The following SYNE2 variants were observed in gnomAD, a reference collection of about 807,000 sequenced individuals.
The protein encoded by SYNE2 is spectrin repeat containing nuclear envelope protein 2, also known as nesprin-2.
In SYNE2, 431 loss-of-function variants were observed where a neutral mutation model predicts 856.3. That is an observed-to-expected ratio of 0.50 (90% CI 0.47 to 0.55). SYNE2 has a LOEUF of 0.55. Ranked by LOEUF, SYNE2 falls within the 20% of genes least tolerant of loss-of-function variation. The probability of loss-of-function intolerance (pLI) is 0.00; values close to 1 mark genes in which losing one functional copy is unlikely to be tolerated. For missense variants in SYNE2, 8,129 were observed against 8,023.2 expected, an observed-to-expected ratio of 1.01 and a Z score of -0.50; for synonymous variants, 2,923 against 2,872.3, an observed-to-expected ratio of 1.02 and a Z score of -0.56.
chr14:63,978,518 A>C (rs2096561891), intron 13 of SYNE2, among the ~76,000 whole-genome samples: 1 of 152,198 alleles, frequency 6.6e-6, no homozygotes. Context: ...TAATATATAA[A>C]CTTAGATTAT....
intron 42 of SYNE2, 109 bp from the exon 43 acceptor site, chr14:64,027,375 A>T: frequency 1.5e-6 from 1 of 686,062 alleles, no homozygotes. Flanking sequence ...GGAACAATGT[A>T]TATTAGTGTT....
chr14:64,157,318 G>A (rs948205085), intron 85 of SYNE2, among the ~76,000 whole-genome samples: 9 of 152,074 alleles, frequency 5.9e-5, no homozygotes, highest in African/African-American at 1.2e-4. Flanking sequence ...TATTCTGGAC[G>A]TTTTATATAA....
chr14:64,039,157 C>T (rs1595063462), intron 45 of SYNE2, among the ~76,000 whole-genome samples: 1 of 152,278 alleles, frequency 6.6e-6, no homozygotes, highest in East Asian at 1.9e-4. Context: ...TTTTTCACTG[C>T]TTTATATTGT....
chr14:64,147,996 C>G (rs1458951833), intron 84 of SYNE2, among the ~76,000 whole-genome samples: 1 of 152,106 alleles, frequency 6.6e-6, no homozygotes, highest in Non-Finnish European at 1.5e-5. Context: ...GAACCCATTT[C>G]TAATACTCAT....
Position 64,025,337 on chromosome 14 carries a change from G to T in SYNE2, c.6168G>T (p.Trp2056Cys). The T allele has an allele frequency of 6.2e-7, 1 of 1,614,058 alleles. No homozygotes were observed. The highest frequency in any genetic ancestry group is 8.5e-7 in the Non-Finnish European group (1 of 1,179,992). The stretch of plus-strand genomic sequence containing the variant: ...ATCTTGCACATGATGTAATTCATTG[G>T]ATAAAAGAGATTAAAGAGTCCCTTA... ...FNDLAHDVIH[W>C]IKEIKESLMV... is the part of the protein sequence containing the mutation. The change falls in exon 41 of 116, where the codon TGG (tryptophan) becomes TGT (cysteine). Residue 2056 changes from tryptophan (W) to cysteine (C), a missense_variant. Physicochemically the swap from Trp to Cys is radical, Grantham distance 215. This residue lies in a region of SYNE2 where 2,422 missense variants were observed against 2,357.4 expected (regional missense o/e 1.03). Transcript: ENST00000555002.
At chr14:63,817,104 C>G (rs1055641746) in intron 1 of SYNE2, among the ~76,000 whole-genome samples, 2 of 152,132 alleles carry the variant, frequency 1.3e-5, no homozygotes, top group African/African-American at 4.8e-5. Context: ...TCGACAATTC[C>G]AGACTATCCC....
chr14:64,122,719 G>A (rs1464462404), intron 70 of SYNE2, among the ~76,000 whole-genome samples: 1 of 152,138 alleles, frequency 6.6e-6, no homozygotes, highest in Non-Finnish European at 1.5e-5. Flanking sequence ...TGTCTGCCTG[G>A]TTTGCATTTG....
intron 1 of SYNE2, among the ~76,000 whole-genome samples, chr14:63,796,818 A>T (rs1887931790): frequency 1.3e-5 from 2 of 152,072 alleles, no homozygotes; most frequent in South Asian, 2.1e-4. Flanking sequence ...GACCCATTTT[A>T]AAAAAGAAAT....
At chr14:64,167,447 G>C in intron 91 of SYNE2, 48 bp from the exon 92 acceptor site, 1 of 1,614,180 alleles carries the variant, frequency 6.2e-7, no homozygotes, top group Non-Finnish European at 8.5e-7. Context: ...GCTTCAGCTC[G>C]GGAATGGCAT....
At chr14:63,790,024 AG>A (rs1887676061) in intron 1 of SYNE2, among the ~76,000 whole-genome samples, 1 of 152,272 alleles carries the variant, frequency 6.6e-6, no homozygotes, top group South Asian at 2.1e-4. Context: ...GTAGAATGAG[AG>A]CTCAAGAGGA....
At chr14:64,199,819 T>C (rs1282703182) in intron 99 of SYNE2, among the ~76,000 whole-genome samples, 1 of 151,834 alleles carries the variant, frequency 6.6e-6, no homozygotes. Context: ...ATTTTAATAA[T>C]TAAGTTTATA....
At chr14:64,141,308 T>A in intron 80 of SYNE2, 33 bp from the exon 81 acceptor site, 1 of 1,582,862 alleles carries the variant, frequency 6.3e-7, no homozygotes, top group Non-Finnish European at 8.6e-7. Flanking sequence ...ATATTTAAAT[T>A]TTAAGTTTCT....
intron 1 of SYNE2, among the ~76,000 whole-genome samples, chr14:63,793,594 G>GT (rs1887813417): frequency 6.6e-6 from 1 of 152,154 alleles, no homozygotes; most frequent in Non-Finnish European, 1.5e-5. Flanking sequence ...ACTTCATTGA[G>GT]TTTTTTAGGG....
intron 1 of SYNE2, among the ~76,000 whole-genome samples, chr14:63,901,554 A>G (rs368048345): frequency 3.3e-5 from 5 of 152,332 alleles, no homozygotes; most frequent in Admixed American, 6.5e-5. Context: ...TTTCTTTAAA[A>G]AAGGGAAACT....
At chr14:63,872,570 A>G (rs1278870460) in intron 1 of SYNE2, among the ~76,000 whole-genome samples, 2 of 152,090 alleles carry the variant, frequency 1.3e-5, no homozygotes, top group African/African-American at 2.4e-5. Context: ...AGCCTGGCCA[A>G]TATGGTGAAA....
chr14:63,967,344 A>G (rs553314574), intron 10 of SYNE2, among the ~76,000 whole-genome samples: 35 of 152,370 alleles, frequency 2.3e-4, no homozygotes, highest in Admixed American at 2.0e-3. Context: ...CTGCCGTCAT[A>G]TAATTTTCAC....
intron 6 of SYNE2, among the ~76,000 whole-genome samples, chr14:63,945,668 G>C (rs1254812381): frequency 1.3e-5 from 2 of 152,090 alleles, no homozygotes; most frequent in African/African-American, 2.4e-5. Flanking sequence ...TGTCGCCCAG[G>C]CTGGAGTGCA....
At chr14:64,224,581 TG>T in intron 114 of SYNE2, 34 bp downstream of exon 114, 1 of 1,607,418 alleles carries the variant, frequency 6.2e-7, no homozygotes, top group Non-Finnish European at 8.5e-7. Flanking sequence ...AGAACCTCAC[TG>T]GTTATTTTTT....
chr14:64,052,429 T>G lies in SYNE2; in HGVS notation c.8516T>G (p.Phe2839Cys), dbSNP rs748318612. The change falls in exon 48 of 116, where the codon TTT (phenylalanine) becomes TGT (cysteine). Residue 2839 changes from phenylalanine (F) to cysteine (C), a missense_variant. Phe to Cys is a radical substitution (Grantham distance 205, BLOSUM62 -2). Around this residue, in one of 3 missense-constraint regions of SYNE2, gnomAD observed 5,410 missense variants for 5,284.8 expected, o/e 1.02. Transcript: ENST00000555002. ...LEFKLEERSN[F>C]FAIIRKFQLM... ...TTTAAGTTGGAAGAAAGAAGCAATT[T>G]TTTTGCTATAATAAGGAAGTTTCAA... 6.2e-7 allele frequency: 1 copy of G among 1,613,078 alleles called. No homozygotes were observed. Among genetic ancestry groups the G allele is most frequent in the Non-Finnish European group, 8.5e-7 (1 of 1,179,658 alleles).
Sources: allele counts gnomAD v4.1 joint callset (sites outside exome capture counted in the v4.1 genomes callset), GRCh38; gene constraint gnomAD v4.1.1; regional missense constraint gnomAD v4.1.1; transcripts MANE v1.5; gene names NCBI Gene and HGNC (gene_info 2026-07-23, HGNC 2026-07-21).